Variants in GTSF1 observed in about 807,000 individuals in gnomAD.
GTSF1 encodes the protein gametocyte-specific factor 1.
GTSF1 carries 11 observed loss-of-function variants against 28.9 expected under a neutral mutation model. That is an observed-to-expected ratio of 0.38 (90% confidence interval 0.24 to 0.63). GTSF1 has a LOEUF of 0.63. Among genes scored for constraint, GTSF1 ranks in the 30% least tolerant of loss-of-function variants. The pLI is 0.56. For missense variants in GTSF1, 146 were observed against 201.0 expected, an observed-to-expected ratio of 0.73 and a Z score of 1.66; for synonymous variants, 69 against 65.6, an observed-to-expected ratio of 1.05 and a Z score of -0.25.
chr12:54,462,581 G>T (rs1170706292), intron 5 of GTSF1, 61 bp downstream of exon 5: 1 of 1,387,854 alleles, frequency 7.2e-7, no homozygotes, highest in Non-Finnish European at 1.0e-6. Context: ...TCTTCCTTCT[G>T]TCTTAAGCAA....
intron 2 of GTSF1, among the ~76,000 whole-genome samples, chr12:54,467,304 G>A (rs1956531845): frequency 6.7e-6 from 1 of 148,968 alleles, no homozygotes; most frequent in Admixed American, 6.7e-5. Flanking sequence ...AATTTCCTGT[G>A]TGTTTTTTTT....
At chr12:54,468,979 A>G (rs1956559139) in intron 2 of GTSF1, 1 of 152,260 alleles carries the variant, frequency 6.6e-6, no homozygotes, top group African/African-American at 2.4e-5. Flanking sequence ...AAGAAGTAAG[A>G]GACAGAAAGG....
chr12:54,468,810 CAAACTT>C (rs1183171195), intron 2 of GTSF1: 2 of 152,188 alleles, frequency 1.3e-5, no homozygotes, highest in African/African-American at 2.4e-5. Flanking sequence ...CAGTGTTTCT[CAAACTT>C]TAACTTACTC....
intron 2 of GTSF1, among the ~76,000 whole-genome samples, chr12:54,468,503 T>C (rs1956552126): frequency 6.6e-6 from 1 of 152,212 alleles, no homozygotes; most frequent in African/African-American, 2.4e-5. Flanking sequence ...ATAAATACTA[T>C]CAAACTGCTC....
At chr12:54,468,245 T>G (rs1956548740) in intron 2 of GTSF1, among the ~76,000 whole-genome samples, 1 of 152,100 alleles carries the variant, frequency 6.6e-6, no homozygotes, top group African/African-American at 2.4e-5. Context: ...TTCTTGTGCC[T>G]CCACCCCGCA....
Position 54,459,157 on chromosome 12 carries a change from C to T in GTSF1, c.488-32G>A, listed in dbSNP as rs886238250. ...GTAGAAATATTTCAAAATAAATACA[C>T]CATGTCAATTGAAATTCACTCCATC... On this transcript the variant is annotated intron_variant, in intron 7 of 8. Transcript: ENST00000305879. 8.2e-6 allele frequency: 13 copies of T among 1,586,814 alleles called. No homozygotes were observed. In the African/African-American group the frequency reaches 1.7e-4, roughly 21 times the overall value.
chr12:54,466,915 G>A (rs1181258449), intron 2 of GTSF1: 1 of 147,520 alleles, frequency 6.8e-6, no homozygotes, highest in Admixed American at 7.0e-5. Context: ...TCCCGAGTTC[G>A]AGCGATTCTT....
At chr12:54,464,895 T>G (rs1219839634) in intron 3 of GTSF1, 172 bp downstream of exon 3, 1 of 431,476 alleles carries the variant, frequency 2.3e-6, no homozygotes, top group Non-Finnish European at 4.2e-6. Context: ...AAGAAAAAAT[T>G]TATCCTAAGG....
At chr12:54,469,533 TA>T (rs1956568001) in intron 2 of GTSF1, among the ~76,000 whole-genome samples, 1 of 150,384 alleles carries the variant, frequency 6.6e-6, no homozygotes, top group African/African-American at 2.4e-5. Context: ...ACTAAAAATA[TA>T]AAAATTAGCC....
At chr12:54,471,090 A>G in intron 2 of GTSF1, 143 bp downstream of exon 2, 2 of 493,462 alleles carry the variant, frequency 4.1e-6, no homozygotes, top group Non-Finnish European at 7.0e-6. Context: ...ATCTTATTTC[A>G]AATTTGGGCA....
chr12:54,472,767 T>C (rs1052762415), intron 1 of GTSF1: 6 of 152,240 alleles, frequency 3.9e-5, no homozygotes, highest in Non-Finnish European at 8.8e-5. Context: ...TCTAGTTTTT[T>C]TGCTACTGAG....
At chr12:54,467,402 C>T (rs1411723048) in intron 2 of GTSF1, among the ~76,000 whole-genome samples, 4 of 151,956 alleles carry the variant, frequency 2.6e-5, no homozygotes, top group Admixed American at 2.6e-4. Context: ...GCAACCTCCA[C>T]CGCCTGGGTT....
chr12:54,467,496 G>T (rs1380442424), intron 2 of GTSF1, among the ~76,000 whole-genome samples: 1 of 151,792 alleles, frequency 6.6e-6, no homozygotes, highest in African/African-American at 2.4e-5. Context: ...TGTATTTTTA[G>T]TAGAGACGGG....
chr12:54,470,234 A>G (rs1034081797), intron 2 of GTSF1, among the ~76,000 whole-genome samples: 27 of 152,280 alleles, frequency 1.8e-4, no homozygotes, highest in Non-Finnish European at 3.4e-4. Flanking sequence ...CCTTTTCTCA[A>G]GTGTGGTCCT....
rs1436597418 is a variant in GTSF1, at chr12:54,460,359, TG to T, written c.487+17del. The T allele has an allele frequency of 6.5e-7, 1 of 1,547,766 alleles. No individual in the cohort carries two copies. The highest frequency in any genetic ancestry group is 2.2e-5 in the East Asian group (1 of 44,562). On this transcript the variant is annotated intron_variant, in intron 7 of 8. Coordinates refer to ENST00000305879, the MANE Select transcript of GTSF1 (RefSeq NM_144594.3). Reference sequence around the variant, plus strand: ...CACAATGAAAAGAGTAAAACTATTTTGTCTCTATTTCACTTACTGTTTTTCC... The same window carrying T: ...CACAATGAAAAGAGTAAAACTATTTTTCTCTATTTCACTTACTGTTTTTCC...
intron 2 of GTSF1, 148 bp downstream of exon 2, chr12:54,471,085 A>T (rs1328657741): frequency 2.1e-6 from 1 of 479,848 alleles, no homozygotes; most frequent in East Asian, 3.5e-5. Context: ...CAAGTATCTT[A>T]TTTCAAATTT....
chr12:54,459,425 G>A, intron 7 of GTSF1: 1 of 1,354,266 alleles, frequency 7.4e-7, no homozygotes, highest in Non-Finnish European at 9.7e-7. Context: ...TCAAACAGTA[G>A]CACAGACTGA....
At chr12:54,469,857 G>A (rs1215697698) in intron 2 of GTSF1, among the ~76,000 whole-genome samples, 3 of 151,946 alleles carry the variant, frequency 2.0e-5, no homozygotes, top group Non-Finnish European at 4.4e-5. Context: ...CCTGGCTCAG[G>A]AATTTCACAT....
chr12:54,456,486 C>G (rs1001200658), intron 8 of GTSF1, among the ~76,000 whole-genome samples: 22 of 152,168 alleles, frequency 1.4e-4, no homozygotes, highest in African/African-American at 5.3e-4. Context: ...TGATCTTTTT[C>G]TCACATACTG....
Sources: gnomAD v4.1 joint callset for allele counts (sites outside exome capture counted in the v4.1 genomes callset) on GRCh38, gnomAD v4.1.1 for gene constraint, MANE v1.5 for transcripts, NCBI Gene and HGNC (gene_info 2026-07-23, HGNC 2026-07-21) for gene names.